The following SPATA31H1 variants were observed in gnomAD, a reference collection of about 807,000 sequenced individuals.
The protein encoded by SPATA31H1 is spermatogenesis-associated protein 31H1.
At chr2:27,551,694 C>T in the SPATA31H1 span, among the ~76,000 whole-genome samples, 2 of 152,020 alleles carry the variant, frequency 1.3e-5, no homozygotes, top group South Asian at 4.1e-4. Flanking sequence ...TCAGTCTCTG[C>T]TCTCAAGGCC....
At chr2:27,575,801 A>C in the SPATA31H1 span, 9 of 397,992 alleles carry the variant, frequency 2.3e-5, no homozygotes, top group Non-Finnish European at 3.5e-5. The surrounding 1 kb of genome is among the most constrained non-coding windows in gnomAD (Gnocchi z 4.1). Flanking sequence ...TGAATTCTGC[A>C]TTCATTCCAC....
At chr2:27,568,940 T>C in the SPATA31H1 span, 2 of 398,896 alleles carry the variant, frequency 5.0e-6, no homozygotes. Flanking sequence ...CCTCAGAATC[T>C]TTAGAGATGA....
the SPATA31H1 span, among the ~76,000 whole-genome samples, chr2:27,544,360 C>G: frequency 6.6e-6 from 1 of 151,872 alleles, no homozygotes; most frequent in African/African-American, 2.4e-5. Context: ...TTTCTAGTCT[C>G]TGCCCTCCTC....
chr2:27,581,733 C>A, the SPATA31H1 span: 2 of 1,613,212 alleles, frequency 1.2e-6, no homozygotes, highest in Non-Finnish European at 8.5e-7. Context: ...CCATCGCAGT[C>A]CCGCTCGGAG....
the SPATA31H1 span, chr2:27,571,093 T>C: frequency 5.0e-6 from 2 of 398,548 alleles, no homozygotes; most frequent in Non-Finnish European, 8.8e-6. Context: ...CTAGAAGATA[T>C]GACATCTGCG....
At chr2:27,549,214 TA>T in the SPATA31H1 span, among the ~76,000 whole-genome samples, 1 of 152,016 alleles carries the variant, frequency 6.6e-6, no homozygotes, top group African/African-American at 2.4e-5. Flanking sequence ...AAGTTGGATC[TA>T]AGACTTATCA....
chr2:27,569,781 G>C, the SPATA31H1 span: 1 of 398,878 alleles, frequency 2.5e-6, no homozygotes, highest in Non-Finnish European at 4.4e-6. Flanking sequence ...TGTAAAATCT[G>C]TGGATTTAAA....
chr2:27,547,979 C>CTTT, the SPATA31H1 span, among the ~76,000 whole-genome samples: 69 of 113,252 alleles, frequency 6.1e-4, no homozygotes, highest in Middle Eastern at 5.6e-3. Flanking sequence ...ATAGTAATTT[C>CTTT]TTTTTTTTTT....
chr2:27,555,395 T>TG, the SPATA31H1 span, among the ~76,000 whole-genome samples: 2 of 151,932 alleles, frequency 1.3e-5, no homozygotes, highest in Non-Finnish European at 2.9e-5. Flanking sequence ...CTAAGAGCCA[T>TG]GTGCTATGGT....
chr2:27,578,141 T>C, the SPATA31H1 span: 1 of 1,614,096 alleles, frequency 6.2e-7, no homozygotes, highest in Non-Finnish European at 8.5e-7. Flanking sequence ...CATTTCAAAT[T>C]GTAAAGTCTG....
At chr2:27,539,967 C>A in the SPATA31H1 span, among the ~76,000 whole-genome samples, 1 of 127,532 alleles carries the variant, frequency 7.8e-6, no homozygotes, top group African/African-American at 3.0e-5. Flanking sequence ...AGGCGGGGGG[C>A]TGATCCCCCC....
the SPATA31H1 span, chr2:27,580,253 T>C: frequency 6.2e-7 from 1 of 1,614,204 alleles, no homozygotes; most frequent in East Asian, 2.2e-5. Flanking sequence ...CCCCTGCTCC[T>C]GTACAAGTCT....
At chr2:27,577,150 T>C in the SPATA31H1 span, 4 of 1,613,990 alleles carry the variant, frequency 2.5e-6, no homozygotes, top group Non-Finnish European at 3.4e-6. The surrounding 1 kb of genome is among the most constrained non-coding windows in gnomAD (Gnocchi z 4.5). Context: ...AAGGAATCCT[T>C]AGGGATGCTG....
chr2:27,552,042 T>C, the SPATA31H1 span, among the ~76,000 whole-genome samples: 3 of 151,840 alleles, frequency 2.0e-5, no homozygotes, highest in Non-Finnish European at 2.9e-5. Context: ...TTTTGATCTC[T>C]TGACGTCATG....
the SPATA31H1 span, chr2:27,537,601 C>A: frequency 1.4e-6 from 1 of 713,616 alleles, no homozygotes; most frequent in South Asian, 1.5e-5. Flanking sequence ...TTGAAACTAA[C>A]TGGTCCCGCT....
chr2:27,580,694 G>A, the SPATA31H1 span: 1 of 1,614,238 alleles, frequency 6.2e-7, no homozygotes, highest in Non-Finnish European at 8.5e-7. Context: ...TTGGGCGGAA[G>A]CCTGTGGACG....
chr2:27,541,736 C>A, the SPATA31H1 span, among the ~76,000 whole-genome samples: 1 of 151,878 alleles, frequency 6.6e-6, no homozygotes, highest in Non-Finnish European at 1.5e-5. Context: ...ATGGCTGAGA[C>A]CTGTGATGTT....
the SPATA31H1 span, chr2:27,567,949 T>C: frequency 7.5e-6 from 3 of 398,836 alleles, no homozygotes; most frequent in Non-Finnish European, 1.3e-5. Flanking sequence ...GTGAAACCAA[T>C]GGAAACCATG....
At chr2:27,553,865 T>C in the SPATA31H1 span, among the ~76,000 whole-genome samples, 1 of 151,906 alleles carries the variant, frequency 6.6e-6, no homozygotes, top group East Asian at 1.9e-4. Flanking sequence ...GAGGTTGCAG[T>C]GAGCTGAGAT....
Sources: gnomAD v4.1 joint callset for allele counts (sites outside exome capture counted in the v4.1 genomes callset) on GRCh38, gnomAD v4.1.1 for gene constraint, Gnocchi (gnomAD v3.1) non-coding constraint, MANE v1.5 for transcripts, NCBI Gene and HGNC (gene_info 2026-07-23, HGNC 2026-07-21) for gene names.